The following CDH2 variants were observed in gnomAD, a reference collection of about 807,000 sequenced individuals.
The protein encoded by CDH2 is cadherin 2, also known as cadherin-2.
CDH2 carries 17 observed loss-of-function variants against 92.0 expected under a neutral mutation model. The ratio of observed to expected loss-of-function variants is 0.18; its 90% CI spans 0.13 to 0.28. The LOEUF is 0.28. CDH2 is among the 10% of genes least tolerant of loss of function. The pLI is 1.00. For missense variants in CDH2, 862 were observed against 1,133.1 expected (o/e 0.76, Z 3.44); for synonymous variants, 419 against 415.9 (o/e 1.01, Z -0.09).
At chr18:27,953,075 A>G (rs554377776) in intron 15 of CDH2, among the ~76,000 whole-genome samples, 1 of 152,308 alleles carries the variant, frequency 6.6e-6, no homozygotes, top group South Asian at 2.1e-4. Context: ...TGTGGAATTA[A>G]TTAATTGTAA....
At chr18:28,036,111 T>C (rs1377414161) in intron 2 of CDH2, among the ~76,000 whole-genome samples, 2 of 152,304 alleles carry the variant, frequency 1.3e-5, no homozygotes, top group Non-Finnish European at 2.9e-5. Flanking sequence ...TAATAAAAGG[T>C]GCAAATACAG....
At chr18:28,099,042 C>T (rs1310879050) in intron 2 of CDH2, among the ~76,000 whole-genome samples, 1 of 152,116 alleles carries the variant, frequency 6.6e-6, no homozygotes, top group Non-Finnish European at 1.5e-5. Flanking sequence ...AAGTGTGTTA[C>T]AGGTAATACT....
chr18:28,040,557 G>C (rs1009747852), intron 2 of CDH2, among the ~76,000 whole-genome samples: 1 of 152,122 alleles, frequency 6.6e-6, no homozygotes, highest in African/African-American at 2.4e-5. Context: ...GAAATGTTCA[G>C]AGCAAAATTA....
chr18:28,168,617 G>T (rs2016420004), intron 1 of CDH2: 2 of 500,252 alleles, frequency 4.0e-6, no homozygotes, highest in Non-Finnish European at 5.2e-6. Context: ...CATATTATTT[G>T]TTGATCAAAA....
At chr18:28,077,716 C>A (rs1028537284) in intron 2 of CDH2, among the ~76,000 whole-genome samples, 5 of 151,736 alleles carry the variant, frequency 3.3e-5, no homozygotes, top group African/African-American at 1.2e-4. Flanking sequence ...CATGGTGAAA[C>A]CCCGTCTCTG....
At chr18:28,046,015 T>C (rs17468415) in intron 2 of CDH2, among the ~76,000 whole-genome samples, 31,598 of 152,148 alleles carry the variant, frequency 0.21, 3,803 homozygotes, top group Non-Finnish European at 0.27. Context: ...AAGAAAACAC[T>C]CCATCAGAGT....
chr18:28,056,075 A>AT lies in CDH2; in HGVS notation c.173-42167dup, dbSNP rs35738385. On this transcript the variant is annotated intron_variant, in intron 2 of 15. Transcript: ENST00000269141. ...TAAGTGAAGCTATGAGGTATAAAAG[A>AT]TTTTTTTTTTTTTAAGAGAAAAAGA... is the stretch of plus-strand genomic sequence containing the variant. 2.5e-3 allele frequency among the ~76,000 whole-genome samples: 367 copies of AT among 147,762 alleles called. 2 individuals carry two copies. The highest frequency in any genetic ancestry group is 7.5e-3 in the African/African-American group (304 of 40,390).
At chr18:27,999,686 G>A (rs1030385434) in intron 7 of CDH2, among the ~76,000 whole-genome samples, 6 of 150,502 alleles carry the variant, frequency 4.0e-5, no homozygotes, top group East Asian at 2.0e-4. Context: ...ATATATATAT[G>A]TGTGTGTGTG....
In CDH2 at chr18:28,003,242, T is replaced by C. The variant is rs1312628570; in HGVS notation, c.848-73A>G. On this transcript the variant is annotated intron_variant, in intron 6 of 15. Transcript: ENST00000269141. ...GACCCCAAAATAGAAGGTATATTTATTGTTTTGATATGTCTTATTTTCACT... is the reference window on the plus strand; with the variant it reads ...GACCCCAAAATAGAAGGTATATTTACTGTTTTGATATGTCTTATTTTCACT... The C allele has an allele frequency of 8.7e-6, 10 of 1,151,974 alleles. No homozygotes were observed. In the Admixed American group the frequency reaches 1.9e-4, roughly 22 times the overall value. 71.4% of individuals were successfully genotyped at this position (1,151,974 alleles called of 1,614,324 possible). A position where few individuals can be genotyped will look rare whatever the true frequency, so the allele number is the denominator to read the frequency against.
intron 14 of CDH2, among the ~76,000 whole-genome samples, chr18:27,975,554 GT>G (rs1404823516): frequency 6.6e-6 from 1 of 152,240 alleles, no homozygotes. Flanking sequence ...TGCAGGCCCT[GT>G]GGTGGCGTCT....
At chr18:28,047,817 CGAGATCGGGCCACTG>C (rs2014108949) in intron 2 of CDH2, among the ~76,000 whole-genome samples, 1 of 137,934 alleles carries the variant, frequency 7.2e-6, no homozygotes, top group Non-Finnish European at 1.5e-5. Context: ...TGCAGTGAGC[CGAGATCGGGCCACTG>C]CACTCCAGCC....
intron 14 of CDH2, among the ~76,000 whole-genome samples, chr18:27,971,067 C>T (rs781106347): frequency 1.3e-5 from 2 of 152,182 alleles, no homozygotes; most frequent in Non-Finnish European, 2.9e-5. Context: ...GAAACCCCGT[C>T]TCTACTAAAA....
chr18:28,052,986 G>A (rs906850856), intron 2 of CDH2, among the ~76,000 whole-genome samples: 1 of 152,038 alleles, frequency 6.6e-6, no homozygotes, highest in African/African-American at 2.4e-5. Flanking sequence ...AATATGCCTG[G>A]TGTCCATATA....
At chr18:28,069,918 TC>T (rs1336391895) in intron 2 of CDH2, among the ~76,000 whole-genome samples, 1 of 152,000 alleles carries the variant, frequency 6.6e-6, no homozygotes, top group Non-Finnish European at 1.5e-5. Flanking sequence ...GCAAGTAGGC[TC>T]CTCCCAACCC....
At chr18:28,090,226 A>G (rs1467447278) in intron 2 of CDH2, among the ~76,000 whole-genome samples, 1 of 152,200 alleles carries the variant, frequency 6.6e-6, no homozygotes, top group Admixed American at 6.5e-5. Flanking sequence ...CAATGCCTAT[A>G]AACTACTTTG....
chr18:28,120,602 A>G (rs1031482250), intron 2 of CDH2, among the ~76,000 whole-genome samples: 64 of 152,232 alleles, frequency 4.2e-4, no homozygotes, highest in Admixed American at 2.0e-3. Context: ...TATTTAGAAG[A>G]TATGTCAAAC....
chr18:27,959,178 C>T (rs3930067), intron 15 of CDH2, among the ~76,000 whole-genome samples: 117,129 of 152,066 alleles, frequency 0.77, 45,983 homozygotes, highest in Non-Finnish European at 0.85. Flanking sequence ...CTTTTCACTC[C>T]CTGAAGGTCA....
chr18:28,001,838 A>T (rs1262972993), intron 7 of CDH2, among the ~76,000 whole-genome samples: 1 of 152,228 alleles, frequency 6.6e-6, no homozygotes, highest in Admixed American at 6.5e-5. Context: ...GTTTTCTTCT[A>T]TTCAATTCAA....
chr18:28,030,202 G>A (rs2013658073), intron 2 of CDH2, among the ~76,000 whole-genome samples: 2 of 151,888 alleles, frequency 1.3e-5, no homozygotes, highest in African/African-American at 4.8e-5. Context: ...ACTTACAGTA[G>A]ACATTTGACT....
Sources: gnomAD v4.1 joint callset for allele counts (sites outside exome capture counted in the v4.1 genomes callset) on GRCh38, gnomAD v4.1.1 for gene constraint, MANE v1.5 for transcripts, NCBI Gene and HGNC (gene_info 2026-07-23, HGNC 2026-07-21) for gene names.